The following OPCML variants were observed in gnomAD, a reference collection of about 807,000 sequenced individuals.
OPCML encodes opioid binding protein/cell adhesion molecule like.
Under a neutral mutation model 37.8 loss-of-function variants are expected in OPCML, and 13 were observed. That is an observed-to-expected ratio of 0.34 (90% CI 0.22 to 0.55). OPCML has a LOEUF of 0.55. Among genes scored for constraint, OPCML ranks in the 20% least tolerant of loss-of-function variants. OPCML has a pLI of 0.91. For missense variants in OPCML, 341 were observed against 435.6 expected (o/e 0.78, Z 1.93); for synonymous variants, 176 against 168.8 (o/e 1.04, Z -0.33).
chr11:132,932,242 T>A (rs760718067), intron 2 of OPCML, among the ~76,000 whole-genome samples: 2 of 152,130 alleles, frequency 1.3e-5, no homozygotes, highest in Non-Finnish European at 2.9e-5. Flanking sequence ...TGGTGACAGT[T>A]GCACAGCAAC....
At chr11:132,539,118 C>T (rs1416962127) in intron 3 of OPCML, among the ~76,000 whole-genome samples, 1 of 152,192 alleles carries the variant, frequency 6.6e-6, no homozygotes, top group Non-Finnish European at 1.5e-5. Flanking sequence ...AGGTCCTTTT[C>T]TCATGTAAAT....
chr11:132,849,650 A>C (rs1172337402), intron 2 of OPCML, among the ~76,000 whole-genome samples: 2 of 149,470 alleles, frequency 1.3e-5, no homozygotes, highest in Non-Finnish European at 3.0e-5. Context: ...AAAATCAGGC[A>C]TTAAGCCATG....
At chr11:132,510,496 G>A (rs1010952422) in intron 4 of OPCML, among the ~76,000 whole-genome samples, 5 of 152,100 alleles carry the variant, frequency 3.3e-5, no homozygotes, top group Admixed American at 6.6e-5. Flanking sequence ...CAGAATTCCC[G>A]TATGTTCTGG....
chr11:132,739,721 T>G (rs1429287610), intron 2 of OPCML, among the ~76,000 whole-genome samples: 1 of 152,218 alleles, frequency 6.6e-6, no homozygotes, highest in Non-Finnish European at 1.5e-5. Flanking sequence ...TTGTGTTCAT[T>G]ATATTATTTT....
chr11:133,029,600 T>G (rs1591928546), intron 1 of OPCML, among the ~76,000 whole-genome samples: 1 of 152,202 alleles, frequency 6.6e-6, no homozygotes, highest in South Asian at 2.1e-4. Flanking sequence ...GCCATTCTCC[T>G]GAGCAAATTA....
At chr11:133,090,375 A>G (rs1433155493) in intron 1 of OPCML, among the ~76,000 whole-genome samples, 1 of 152,150 alleles carries the variant, frequency 6.6e-6, no homozygotes, top group East Asian at 1.9e-4. Context: ...GTATGAACAG[A>G]GCATTGAGAC....
chr11:132,539,251 A>AT (rs1183818751), intron 3 of OPCML, among the ~76,000 whole-genome samples: 1 of 152,062 alleles, frequency 6.6e-6, no homozygotes, highest in Admixed American at 6.6e-5. Context: ...CATACTAGGG[A>AT]TTTTTTACTG....
intron 2 of OPCML, among the ~76,000 whole-genome samples, chr11:132,721,856 A>AAAAC (rs1211875451): frequency 2.6e-5 from 4 of 152,166 alleles, no homozygotes; most frequent in African/African-American, 9.7e-5. Flanking sequence ...TCAGTGACTA[A>AAAAC]AAACAAGAAC....
At chr11:132,720,140 T>G (rs1462579739) in intron 2 of OPCML, among the ~76,000 whole-genome samples, 1 of 152,240 alleles carries the variant, frequency 6.6e-6, no homozygotes, top group Non-Finnish European at 1.5e-5. Context: ...TCAATCTCTG[T>G]GAGTTTAGCC....
chr11:133,197,140 C>T (rs892841458), intron 1 of OPCML, among the ~76,000 whole-genome samples: 1 of 152,192 alleles, frequency 6.6e-6, no homozygotes, highest in African/African-American at 2.4e-5. Flanking sequence ...ATATTTTATA[C>T]AATATGGCAT....
intron 1 of OPCML, among the ~76,000 whole-genome samples, chr11:133,215,538 C>A (rs990081157): frequency 6.6e-6 from 1 of 152,088 alleles, no homozygotes; most frequent in Non-Finnish European, 1.5e-5. Flanking sequence ...GGGTCCTCTG[C>A]GACATGTTTT....
chr11:133,045,590 G>A (rs752927393), intron 1 of OPCML, among the ~76,000 whole-genome samples: 7 of 152,192 alleles, frequency 4.6e-5, no homozygotes, highest in Non-Finnish European at 8.8e-5. Context: ...GCCAAGGTGG[G>A]ACACCGCCTC....
At chr11:132,737,610 C>T (rs1387130950) in intron 2 of OPCML, among the ~76,000 whole-genome samples, 1 of 152,000 alleles carries the variant, frequency 6.6e-6, no homozygotes, top group African/African-American at 2.4e-5. Flanking sequence ...TTAGCCATTC[C>T]CATGTTGCTG....
chr11:132,446,343 G>GGGAC (rs1335556199), intron 4 of OPCML, among the ~76,000 whole-genome samples: 1 of 151,212 alleles, frequency 6.6e-6, no homozygotes, highest in African/African-American at 2.4e-5. Flanking sequence ...GAGGGAGGGA[G>GGGAC]GGAGGGAGGA....
chr11:132,428,207 G>A (rs1331357047), intron 7 of OPCML, among the ~76,000 whole-genome samples: 1 of 152,168 alleles, frequency 6.6e-6, no homozygotes, highest in Non-Finnish European at 1.5e-5. Flanking sequence ...AGGCCAGAAC[G>A]CAAGGGAAAG....
At chr11:133,342,825 A>G (rs951278443) in intron 1 of OPCML, among the ~76,000 whole-genome samples, 1 of 152,154 alleles carries the variant, frequency 6.6e-6, no homozygotes, top group African/African-American at 2.4e-5. Context: ...GGTCTGGAGC[A>G]GACTCTCATG....
chr11:132,773,088 C>T (rs1214783227), intron 2 of OPCML: 1 of 152,210 alleles, frequency 6.6e-6, no homozygotes, highest in Non-Finnish European at 1.5e-5. Flanking sequence ...GGCAGAGCGA[C>T]AGACAGATAG....
At chr11:132,483,998 T>C (rs2096190446) in intron 4 of OPCML, among the ~76,000 whole-genome samples, 1 of 152,118 alleles carries the variant, frequency 6.6e-6, no homozygotes, top group Non-Finnish European at 1.5e-5. Flanking sequence ...GTTCAGGACA[T>C]AGGCATGGGC....
chr11:133,469,778 C>G (rs1213964339), intron 1 of OPCML, among the ~76,000 whole-genome samples: 2 of 152,048 alleles, frequency 1.3e-5, no homozygotes, highest in Non-Finnish European at 2.9e-5. Context: ...ATGAAAAACC[C>G]CCAGGTTTTT....
Sources: gnomAD v4.1 joint callset for allele counts (sites outside exome capture counted in the v4.1 genomes callset) on GRCh38, gnomAD v4.1.1 for gene constraint, MANE v1.5 for transcripts, NCBI Gene and HGNC (gene_info 2026-07-23, HGNC 2026-07-21) for gene names.